Variants in HECW2 observed in about 807,000 individuals in gnomAD.
HECW2 encodes the protein HECT, C2 and WW domain containing E3 ubiquitin protein ligase 2, also known as E3 ubiquitin-protein ligase HECW2.
A neutral mutation model predicts 175.2 loss-of-function variants in HECW2; 61 were observed. The ratio of observed to expected loss-of-function variants is 0.35; its 90% confidence interval spans 0.28 to 0.43. The LOEUF (loss-of-function observed/expected upper bound fraction) is 0.43. Among genes scored for constraint, HECW2 ranks in the 20% least tolerant of loss-of-function variants. The pLI is 1.00. For synonymous variants in HECW2, 671 were observed against 731.0 expected (o/e 0.92, Z 1.32); for missense variants, 1,524 against 2,000.5 (o/e 0.76, Z 4.54).
chr2:196,466,737 G>T (rs1230263462), intron 1 of HECW2, among the ~76,000 whole-genome samples: 1 of 152,196 alleles, frequency 6.6e-6, no homozygotes, highest in African/African-American at 2.4e-5. Flanking sequence ...ATCTCCAGGG[G>T]AATTACTGAA....
At chr2:196,495,041 T>A (rs191421287) in intron 1 of HECW2, among the ~76,000 whole-genome samples, 1 of 152,008 alleles carries the variant, frequency 6.6e-6, no homozygotes, top group African/African-American at 2.4e-5. Flanking sequence ...ATGTGATCCA[T>A]AAAAGTTGGT....
intron 1 of HECW2, among the ~76,000 whole-genome samples, chr2:196,536,580 G>A (rs1209732367): frequency 2.0e-5 from 3 of 152,086 alleles, no homozygotes; most frequent in East Asian, 3.8e-4. Context: ...TTTTGTTCCC[G>A]ATAACCACTA....
intron 1 of HECW2, among the ~76,000 whole-genome samples, chr2:196,550,730 C>T (rs1040592400): frequency 3.3e-5 from 5 of 150,780 alleles, no homozygotes; most frequent in African/African-American, 1.0e-4. Flanking sequence ...TAAATTTTTC[C>T]TTACAGTGTC....
chr2:196,522,239 A>T (rs1688427314), intron 1 of HECW2, among the ~76,000 whole-genome samples: 1 of 151,956 alleles, frequency 6.6e-6, no homozygotes, highest in African/African-American at 2.4e-5. Flanking sequence ...GCCAGTGATG[A>T]TGAGCATTTT....
chr2:196,571,213 T>C (rs1348753658), intron 1 of HECW2, among the ~76,000 whole-genome samples: 4 of 152,238 alleles, frequency 2.6e-5, no homozygotes, highest in Non-Finnish European at 4.4e-5. Flanking sequence ...AATTTTGTAA[T>C]GTACTCATTT....
chr2:196,353,949 T>C (rs1294627760), intron 2 of HECW2, among the ~76,000 whole-genome samples: 4 of 152,062 alleles, frequency 2.6e-5, no homozygotes, highest in Non-Finnish European at 4.4e-5. Flanking sequence ...TCAGTATAAT[T>C]CTCCAACCTC....
At chr2:196,403,863 C>T (rs1694886698) in intron 2 of HECW2, among the ~76,000 whole-genome samples, 1 of 152,164 alleles carries the variant, frequency 6.6e-6, no homozygotes, top group South Asian at 2.1e-4. Context: ...AAGCCAGACA[C>T]TTCTTCAAGT....
chr2:196,505,777 T>G (rs2125408518), intron 1 of HECW2, among the ~76,000 whole-genome samples: 1 of 152,326 alleles, frequency 6.6e-6, no homozygotes, highest in South Asian at 2.1e-4. Flanking sequence ...CCCAGGTGGA[T>G]AACTTCATAG....
intron 21 of HECW2, among the ~76,000 whole-genome samples, chr2:196,235,372 T>A (rs1036579963): frequency 6.6e-6 from 1 of 152,032 alleles, no homozygotes; most frequent in Non-Finnish European, 1.5e-5. Flanking sequence ...AGTGCTGGGA[T>A]TACAGGTGTG....
chr2:196,343,558 C>A, intron 3 of HECW2, 99 bp downstream of exon 3: 1 of 769,996 alleles, frequency 1.3e-6, no homozygotes, highest in East Asian at 2.6e-5. Flanking sequence ...TAAATCCAAA[C>A]CAAAGAATTT....
chr2:196,332,181 C>T (rs1191909479), intron 4 of HECW2, among the ~76,000 whole-genome samples: 1 of 152,108 alleles, frequency 6.6e-6, no homozygotes, highest in South Asian at 2.1e-4. Context: ...CATTTCCTTC[C>T]CTGTGGAGTT....
chr2:196,255,400 C>A (rs1471979232), intron 18 of HECW2, among the ~76,000 whole-genome samples: 2 of 151,736 alleles, frequency 1.3e-5, no homozygotes, highest in Admixed American at 6.6e-5. Flanking sequence ...ATTTATGTAG[C>A]CAAATTTATC....
chr2:196,407,169 T>C lies in HECW2; in HGVS notation c.292+25963A>G, dbSNP rs375928928. ...AAGTTACCTATTTGCAAAATAAAAA[T>C]AATATACTTAGGTTTATGTGGCAGA... On this transcript the variant is annotated intron_variant, in intron 2 of 28. Transcript: ENST00000644978. 6.1e-4 allele frequency among the ~76,000 whole-genome samples: 92 copies of C among 151,918 alleles called. 2 individuals are homozygous for C. The South Asian group carries it at 0.019, about 31-fold the overall frequency.
chr2:196,325,433 C>T (rs1184452058), intron 5 of HECW2, among the ~76,000 whole-genome samples: 10 of 152,112 alleles, frequency 6.6e-5, no homozygotes, highest in Non-Finnish European at 8.8e-5. Context: ...CCTAACAGGC[C>T]GCAAAAGTGA....
intron 1 of HECW2, among the ~76,000 whole-genome samples, chr2:196,494,576 C>T (rs2125392723): frequency 6.6e-6 from 1 of 152,210 alleles, no homozygotes; most frequent in Middle Eastern, 3.4e-3. Flanking sequence ...ATGGTACTAC[C>T]ATTTACAAAA....
At chr2:196,226,329 T>C (rs1687849105) in intron 22 of HECW2, among the ~76,000 whole-genome samples, 1 of 152,064 alleles carries the variant, frequency 6.6e-6, no homozygotes, top group African/African-American at 2.4e-5. Flanking sequence ...CCTGAGACCA[T>C]CCCCAAAGCC....
At chr2:196,342,080 A>G (rs1461719159) in intron 3 of HECW2, among the ~76,000 whole-genome samples, 1 of 152,164 alleles carries the variant, frequency 6.6e-6, no homozygotes, top group Non-Finnish European at 1.5e-5. Flanking sequence ...CAACTCAGAA[A>G]AAGTTTAAAA....
At chr2:196,346,991 G>A (rs1357192838) in intron 2 of HECW2, among the ~76,000 whole-genome samples, 6 of 132,998 alleles carry the variant, frequency 4.5e-5, no homozygotes, top group Non-Finnish European at 7.9e-5. Context: ...CTGGGCGACA[G>A]AGTGAGACTC....
At chr2:196,222,490 A>G in intron 23 of HECW2, 150 bp from the exon 24 acceptor site, 2 of 657,796 alleles carry the variant, frequency 3.0e-6, no homozygotes, top group East Asian at 5.7e-5. Context: ...CAAGTCCAGT[A>G]ATTAAACCAA....
Sources: allele counts gnomAD v4.1 joint callset (sites outside exome capture counted in the v4.1 genomes callset), GRCh38; gene constraint gnomAD v4.1.1; transcripts MANE v1.5; gene names NCBI Gene and HGNC (gene_info 2026-07-23, HGNC 2026-07-21).